The following ABCB5 variants were observed in gnomAD, a reference collection of about 807,000 sequenced individuals.
ABCB5 encodes the protein ATP-binding cassette sub-family B member 5.
Under a neutral mutation model 144.2 loss-of-function variants are expected in ABCB5, and 155 were observed. The ratio of observed to expected loss-of-function variants is 1.08; its 90% CI spans 0.94 to 1.23. ABCB5 has a LOEUF of 1.23. Among genes scored for constraint, ABCB5 ranks in the 50% most tolerant of loss-of-function variants. The pLI, the probability that ABCB5 is intolerant of heterozygous loss-of-function variation, is 0.00. For synonymous variants in ABCB5, 610 were observed against 528.6 expected, an observed-to-expected ratio of 1.15 and a Z score of -2.11; for missense variants, 1,830 against 1,520.8, an observed-to-expected ratio of 1.20 and a Z score of -3.38.
chr7:20,722,950 A>G (rs1208384386), intron 20 of ABCB5, 66 bp from the exon 21 acceptor site: 4 of 1,434,346 alleles, frequency 2.8e-6, no homozygotes, highest in East Asian at 4.6e-5. Flanking sequence ...GCAAGGAACT[A>G]TAATAGGAAC....
At chr7:20,665,257 C>T (rs6949607) in intron 14 of ABCB5, among the ~76,000 whole-genome samples, 23,547 of 152,068 alleles carry the variant, frequency 0.15, 1,977 homozygotes, top group African/African-American at 0.22. Context: ...AGGTGAGTCA[C>T]CCATTAAAAG....
chr7:20,687,538 C>G (rs1426086346), intron 16 of ABCB5, among the ~76,000 whole-genome samples: 1 of 152,170 alleles, frequency 6.6e-6, no homozygotes, highest in Admixed American at 6.5e-5. Context: ...GCTGAAAAAC[C>G]TGGTTAGCCA....
intron 16 of ABCB5, among the ~76,000 whole-genome samples, chr7:20,693,090 G>T (rs1055727722): frequency 3.3e-5 from 5 of 152,118 alleles, no homozygotes; most frequent in African/African-American, 1.2e-4. Context: ...AAATGCACTT[G>T]AAACATTTAC....
At chr7:20,731,681 G>A (rs1353025344) in intron 23 of ABCB5, among the ~76,000 whole-genome samples, 1 of 152,088 alleles carries the variant, frequency 6.6e-6, no homozygotes, top group Non-Finnish European at 1.5e-5. Flanking sequence ...TCTTCCCCAA[G>A]ACTTTCCCAT....
chr7:20,708,046 C>T (rs1786878907), intron 20 of ABCB5, among the ~76,000 whole-genome samples: 4 of 151,970 alleles, frequency 2.6e-5, no homozygotes, highest in Admixed American at 2.6e-4. Flanking sequence ...ACCTCGTGAT[C>T]CGCCCGCCTC....
intron 14 of ABCB5, among the ~76,000 whole-genome samples, chr7:20,674,546 T>A (rs913125742): frequency 2.0e-5 from 3 of 151,742 alleles, no homozygotes; most frequent in African/African-American, 7.2e-5. Flanking sequence ...AAATAGACTG[T>A]CACAAATATA....
chr7:20,748,314 G>C (rs888482915), intron 26 of ABCB5, among the ~76,000 whole-genome samples: 16 of 152,106 alleles, frequency 1.1e-4, no homozygotes, highest in African/African-American at 3.1e-4. Context: ...GGGAAGAAAA[G>C]TGAACATGAA....
chr7:20,724,735 T>C (rs1293958477), intron 21 of ABCB5, among the ~76,000 whole-genome samples: 3 of 152,072 alleles, frequency 2.0e-5, no homozygotes, highest in African/African-American at 7.2e-5. Context: ...TAATATCCTT[T>C]ATAGTCTGTA....
At chr7:20,640,445 A>G (rs1351875663) in intron 5 of ABCB5, among the ~76,000 whole-genome samples, 1 of 152,112 alleles carries the variant, frequency 6.6e-6, no homozygotes, top group African/African-American at 2.4e-5. Context: ...TCCTGAATGA[A>G]ACTTATCTGA....
At chr7:20,751,603 G>A (rs1782933089) in intron 26 of ABCB5, among the ~76,000 whole-genome samples, 1 of 152,202 alleles carries the variant, frequency 6.6e-6, no homozygotes, top group South Asian at 2.1e-4. Context: ...ATGTTCTTCA[G>A]CTGCCCTAGA....
chr7:20,740,487 A>T lies in ABCB5; in HGVS notation c.3024+1348A>T, dbSNP rs556857052. ...AGAATGCCTGTTAGTGACAGAAATA[A>T]GACTATCTGGAAATTCTCAAAATAG... On this transcript the variant is annotated intron_variant, in intron 24 of 27. Transcript: ENST00000404938. Among the ~76,000 whole-genome samples, 7 of 152,338 alleles carry T rather than the reference A, an allele frequency of 4.6e-5. No individual in the cohort carries two copies. The East Asian group carries it at 1.3e-3, about 29-fold the overall frequency.
intron 14 of ABCB5, chr7:20,666,692 A>G: frequency 1.9e-6 from 3 of 1,548,334 alleles, no homozygotes; most frequent in Non-Finnish European, 2.6e-6. Context: ...TTTGGCTTTT[A>G]GCTTTGTGTA....
chr7:20,721,598 C>T (rs34972642), intron 20 of ABCB5, among the ~76,000 whole-genome samples: 8,663 of 152,262 alleles, frequency 0.057, 261 homozygotes, highest in East Asian at 0.13. Context: ...ACTCTTGCCT[C>T]TCCAACACAA....
At chr7:20,659,882 C>T (rs1004510575) in intron 14 of ABCB5, 40 of 904,862 alleles carry the variant, frequency 4.4e-5, no homozygotes, top group Middle Eastern at 1.1e-3. Flanking sequence ...CAAGGTTTTG[C>T]CATGTTGACC....
At chr7:20,624,289 T>C (rs1013827989) in intron 2 of ABCB5, among the ~76,000 whole-genome samples, 4 of 152,162 alleles carry the variant, frequency 2.6e-5, no homozygotes, top group Non-Finnish European at 5.9e-5. Context: ...AGTTAAGAGT[T>C]TGGGTTCTGG....
At chr7:20,746,911 C>G (rs944547740) in intron 26 of ABCB5, among the ~76,000 whole-genome samples, 1 of 152,072 alleles carries the variant, frequency 6.6e-6, no homozygotes, top group African/African-American at 2.4e-5. Flanking sequence ...ATTTAACAAC[C>G]AATATATCAA....
intron 8 of ABCB5, 25 bp downstream of exon 8, chr7:20,645,905 A>G: frequency 1.2e-6 from 2 of 1,612,840 alleles, no homozygotes; most frequent in Non-Finnish European, 1.7e-6. Context: ...ATATAACAAG[A>G]TATGCTTGGT....
chr7:20,726,474 C>T (rs1782040619), intron 21 of ABCB5, among the ~76,000 whole-genome samples: 1 of 139,998 alleles, frequency 7.1e-6, no homozygotes, highest in Admixed American at 7.9e-5. Flanking sequence ...TCAAGTGATT[C>T]TCGTGCCTTA....
intron 2 of ABCB5, among the ~76,000 whole-genome samples, chr7:20,623,844 CA>C (rs1229649313): frequency 3.3e-5 from 5 of 151,942 alleles, no homozygotes; most frequent in Non-Finnish European, 5.9e-5. Flanking sequence ...CCACTTTTAC[CA>C]TAATAATTGT....
Sources: allele counts gnomAD v4.1 joint callset (sites outside exome capture counted in the v4.1 genomes callset), GRCh38; gene constraint gnomAD v4.1.1; transcripts MANE v1.5; gene names NCBI Gene and HGNC (gene_info 2026-07-23, HGNC 2026-07-21).